Variants in FAAH2 observed in about 807,000 individuals in gnomAD.
The protein encoded by FAAH2 is fatty acid amide hydrolase 2, also known as fatty-acid amide hydrolase 2.
Under a neutral mutation model 36.9 loss-of-function variants are expected in FAAH2, and 60 were observed. That is an observed-to-expected ratio of 1.63 (90% CI 1.32 to 2.02). FAAH2 has a LOEUF of 2.02. Among genes scored for constraint, FAAH2 ranks in the 30% most tolerant of loss-of-function variants. FAAH2 has a pLI of 0.00. For synonymous variants in FAAH2, 214 were observed against 143.8 expected, an observed-to-expected ratio of 1.49 and a Z score of -3.49; for missense variants, 689 against 397.5, an observed-to-expected ratio of 1.73 and a Z score of -6.23.
At chrX:57,149,682 A>AT in the FAAH2 span, among the ~76,000 whole-genome samples, 1 of 109,797 alleles carries the variant, frequency 9.1e-6, no homozygotes, top group Non-Finnish European at 1.9e-5. Context: ...CGGTCTATCA[A>AT]TTTTGTTGAT....
chrX:57,137,173 C>T, the FAAH2 span: 2 of 761,259 alleles, frequency 2.6e-6, no homozygotes, highest in Non-Finnish European at 3.1e-6. Context: ...TCCCATCCCC[C>T]TCTCCATTCT....
At chrX:57,404,185 G>A (rs1011449249) in intron 7 of FAAH2, among the ~76,000 whole-genome samples, 1 of 112,295 alleles carries the variant, frequency 8.9e-6, no homozygotes, top group Non-Finnish European at 1.9e-5. Context: ...TGACAACAAA[G>A]TGGTATTGGA....
At chrX:57,383,951 G>T (rs977702898) in intron 7 of FAAH2, among the ~76,000 whole-genome samples, 1 of 111,763 alleles carries the variant, frequency 8.9e-6, no homozygotes, top group Non-Finnish European at 1.9e-5. Context: ...AACCAAAACA[G>T]CATGGTACTG....
At chrX:57,145,585 G>C in the FAAH2 span, among the ~76,000 whole-genome samples, 1 of 111,607 alleles carries the variant, frequency 9.0e-6, no homozygotes, top group Admixed American at 9.5e-5. Flanking sequence ...ATTTATTTTT[G>C]TTTTAGTTGC....
intron 2 of FAAH2, among the ~76,000 whole-genome samples, chrX:57,306,988 C>CAGATAT (rs1339824539): frequency 2.0e-4 from 2 of 10,227 alleles, no homozygotes; most frequent in African/African-American, 2.2e-4. Flanking sequence ...CACACACACA[C>CAGATAT]ACACAGATAC....
At chrX:57,146,389 G>T in the FAAH2 span, among the ~76,000 whole-genome samples, 2 of 111,666 alleles carry the variant, frequency 1.8e-5, no homozygotes, top group African/African-American at 6.5e-5. Flanking sequence ...GTGTATAGCA[G>T]AGCTACTGAT....
intron 3 of FAAH2, among the ~76,000 whole-genome samples, chrX:57,330,851 G>T (rs1367209253): frequency 3.6e-5 from 4 of 111,085 alleles, no homozygotes; most frequent in South Asian, 7.7e-4. Flanking sequence ...TCTGTGGCAG[G>T]TCTGTTCCAG....
chrX:57,444,958 T>A (rs190362581), intron 8 of FAAH2, among the ~76,000 whole-genome samples: 64 of 112,126 alleles, frequency 5.7e-4, no homozygotes, highest in Middle Eastern at 9.3e-3. Context: ...AATTCACATA[T>A]CTCTGTCACT....
At chrX:57,433,062 CA>C (rs2056338635) in intron 8 of FAAH2, among the ~76,000 whole-genome samples, 1 of 110,308 alleles carries the variant, frequency 9.1e-6, no homozygotes, top group Non-Finnish European at 1.9e-5. Flanking sequence ...AACGTTTATA[CA>C]AATTCACAAG....
At chrX:57,468,536 A>G (rs1448088608) in intron 10 of FAAH2, among the ~76,000 whole-genome samples, 3 of 111,912 alleles carry the variant, frequency 2.7e-5, no homozygotes, top group Non-Finnish European at 5.6e-5. Flanking sequence ...GTGAGAACAG[A>G]AGTTTACAGA....
chrX:57,338,863 C>T (rs1306159407), intron 4 of FAAH2, among the ~76,000 whole-genome samples: 1 of 111,026 alleles, frequency 9.0e-6, no homozygotes, highest in African/African-American at 3.3e-5. Context: ...AATGCTATTC[C>T]TATTAAACTA....
At chrX:57,130,866 A>G in the FAAH2 span, among the ~76,000 whole-genome samples, 1 of 112,288 alleles carries the variant, frequency 8.9e-6, no homozygotes, top group Non-Finnish European at 1.9e-5. Flanking sequence ...ACCTCTAACT[A>G]CAATACATTG....
chrX:57,361,767 G>T (rs946900645), intron 5 of FAAH2, among the ~76,000 whole-genome samples: 2 of 111,535 alleles, frequency 1.8e-5, no homozygotes, highest in Non-Finnish European at 3.8e-5. Context: ...GCAGTCATTG[G>T]ATAAAATGCA....
intron 5 of FAAH2, among the ~76,000 whole-genome samples, chrX:57,356,553 G>A (rs2054162085): frequency 1.8e-5 from 2 of 110,015 alleles, no homozygotes; most frequent in African/African-American, 3.3e-5. Context: ...ATTTTTTAAT[G>A]TATTGCTTTA....
the FAAH2 span, among the ~76,000 whole-genome samples, chrX:57,139,645 G>A: frequency 2.3e-4 from 26 of 110,956 alleles, no homozygotes; most frequent in Non-Finnish European, 4.2e-4. Context: ...TAGTAGAGAC[G>A]GGGTTTCAGC....
At chrX:57,396,764 T>C (rs1195243690) in intron 7 of FAAH2, among the ~76,000 whole-genome samples, 1 of 111,796 alleles carries the variant, frequency 8.9e-6, no homozygotes, top group Non-Finnish European at 1.9e-5. Context: ...TGTAGTTAAT[T>C]TGGGAGAATG....
chrX:57,400,848 C>T (rs996989896), intron 7 of FAAH2, among the ~76,000 whole-genome samples: 10 of 112,302 alleles, frequency 8.9e-5, no homozygotes, highest in Non-Finnish European at 1.3e-4. Context: ...TGGGGCTGGG[C>T]GCAGTGGCTC....
intron 5 of FAAH2, among the ~76,000 whole-genome samples, chrX:57,350,709 T>A (rs1488394477): frequency 9.0e-6 from 1 of 110,873 alleles, no homozygotes; most frequent in Non-Finnish European, 1.9e-5. Flanking sequence ...GTAGCTACAT[T>A]TTTATAAGAT....
chrX:57,412,546 A>T (rs2055727133), intron 7 of FAAH2, among the ~76,000 whole-genome samples: 1 of 112,021 alleles, frequency 8.9e-6, no homozygotes, highest in Non-Finnish European at 1.9e-5. Context: ...TGCAAAGGAC[A>T]TGAACTCATC....
Sources: allele counts gnomAD v4.1 joint callset (sites outside exome capture counted in the v4.1 genomes callset), GRCh38; gene constraint gnomAD v4.1.1; transcripts MANE v1.5; gene names NCBI Gene and HGNC (gene_info 2026-07-23, HGNC 2026-07-21).